LRRC4C: variants seen among roughly 807,000 people sequenced by gnomAD.
LRRC4C encodes leucine rich repeat containing 4C.
A neutral mutation model predicts 33.6 loss-of-function variants in LRRC4C; 5 were observed. The ratio of observed to expected loss-of-function variants is 0.15; its 90% CI spans 0.08 to 0.31. LRRC4C has a LOEUF of 0.31. Among genes scored for constraint, LRRC4C ranks in the 10% least tolerant of loss-of-function variants. LRRC4C has a pLI of 1.00. For synonymous variants in LRRC4C, 329 were observed against 302.0 expected, an observed-to-expected ratio of 1.09 and a Z score of -0.93; for missense variants, 560 against 796.7, an observed-to-expected ratio of 0.70 and a Z score of 3.58.
At chr11:40,233,181 C>G (rs1308899283) in intron 5 of LRRC4C, among the ~76,000 whole-genome samples, 3 of 152,148 alleles carry the variant, frequency 2.0e-5, no homozygotes, top group Non-Finnish European at 2.9e-5. Flanking sequence ...TGCTGATGCC[C>G]ACTCATTTTA....
At chr11:40,900,345 T>G (rs997008811) in intron 2 of LRRC4C, among the ~76,000 whole-genome samples, 1 of 152,098 alleles carries the variant, frequency 6.6e-6, no homozygotes, top group African/African-American at 2.4e-5. Context: ...CAGGATCAAC[T>G]TGCACTTTAC....
At chr11:40,879,569 A>G (rs1189465470) in intron 2 of LRRC4C, among the ~76,000 whole-genome samples, 1 of 152,148 alleles carries the variant, frequency 6.6e-6, no homozygotes, top group Non-Finnish European at 1.5e-5. Flanking sequence ...CCTACAAACA[A>G]GTACGTACTA....
intron 2 of LRRC4C, among the ~76,000 whole-genome samples, chr11:40,669,796 A>G (rs765081428): frequency 2.8e-4 from 42 of 152,336 alleles, no homozygotes; most frequent in Admixed American, 5.2e-4. Flanking sequence ...TTTATGTCCA[A>G]TGTAACACTC....
chr11:40,557,679 CGT>C (rs35856491), intron 3 of LRRC4C, among the ~76,000 whole-genome samples: 37,930 of 149,056 alleles, frequency 0.25, 5,143 homozygotes, highest in East Asian at 0.57. Flanking sequence ...TCTATAGAGG[CGT>C]GTGTGTGTGT....
chr11:40,630,177 C>G (rs1338678134), intron 3 of LRRC4C, among the ~76,000 whole-genome samples: 1 of 152,064 alleles, frequency 6.6e-6, no homozygotes, highest in African/African-American at 2.4e-5. Context: ...CCAAAACTAT[C>G]TTTGAGAAAA....
chr11:40,536,650 C>T (rs528465898), intron 3 of LRRC4C, among the ~76,000 whole-genome samples: 3 of 152,280 alleles, frequency 2.0e-5, no homozygotes, highest in South Asian at 2.1e-4. Context: ...AGCCATCTAA[C>T]GTTAGAACCT....
At chr11:40,214,621 A>ACT (rs768846422) in intron 5 of LRRC4C, among the ~76,000 whole-genome samples, 20 of 151,942 alleles carry the variant, frequency 1.3e-4, no homozygotes, top group Admixed American at 6.6e-4. Flanking sequence ...CAGAGAGCTC[A>ACT]CTCTCTCCCT....
rs997355402 is a variant in LRRC4C, at chr11:41,175,008, A to G, written c.-495-241285T>C. ...ATTAATGCTTTTTCTTTTCATTCAC[A>G]TCCTTATATCCTATCAGTTACCAGG... On this transcript the variant is annotated intron_variant, in intron 1 of 6. Coordinates refer to ENST00000528697, the MANE Select transcript of LRRC4C (RefSeq NM_001258419.2). Among the ~76,000 whole-genome samples, 2 of 152,024 alleles carry G rather than the reference A, an allele frequency of 1.3e-5. 1 individual carries two copies. Among genetic ancestry groups the G allele is most frequent in the South Asian group, 4.1e-4 (2 of 4,820 alleles).
intron 1 of LRRC4C, among the ~76,000 whole-genome samples, chr11:41,360,094 A>G (rs952122789): frequency 3.9e-5 from 6 of 152,138 alleles, no homozygotes; most frequent in Admixed American, 1.3e-4. Context: ...GAGGCAGGAG[A>G]ATCATTTGAA....
intron 1 of LRRC4C, among the ~76,000 whole-genome samples, chr11:41,382,531 T>C (rs1953195329): frequency 6.6e-6 from 1 of 152,066 alleles, no homozygotes; most frequent in African/African-American, 2.4e-5. Flanking sequence ...TAATAGGTTT[T>C]CAATAAATAT....
intron 1 of LRRC4C, among the ~76,000 whole-genome samples, chr11:40,975,036 G>A (rs1174520680): frequency 1.3e-5 from 2 of 152,156 alleles, no homozygotes; most frequent in Admixed American, 6.5e-5. Flanking sequence ...GCCTGCAGAT[G>A]TCCTGTTGTG....
chr11:40,207,133 A>G (rs887399647), intron 5 of LRRC4C, among the ~76,000 whole-genome samples: 13 of 152,168 alleles, frequency 8.5e-5, no homozygotes, highest in Non-Finnish European at 1.6e-4. Context: ...CAATCTTAAT[A>G]TATTGTACGG....
chr11:40,303,762 T>C (rs1453256058), intron 4 of LRRC4C, among the ~76,000 whole-genome samples: 1 of 152,204 alleles, frequency 6.6e-6, no homozygotes, highest in Non-Finnish European at 1.5e-5. Flanking sequence ...TTTAAGGACA[T>C]AAAAAGTGTT....
At chr11:40,767,568 T>C (rs775532805) in intron 2 of LRRC4C, among the ~76,000 whole-genome samples, 27 of 152,014 alleles carry the variant, frequency 1.8e-4, no homozygotes, top group Non-Finnish European at 3.5e-4. Context: ...AGACCACATC[T>C]TCAGCCATAA....
At chr11:40,622,886 G>T (rs1181030990) in intron 3 of LRRC4C, among the ~76,000 whole-genome samples, 1 of 151,446 alleles carries the variant, frequency 6.6e-6, no homozygotes, top group Non-Finnish European at 1.5e-5. Context: ...TAATAATCAG[G>T]TAACAATAAT....
intron 2 of LRRC4C, among the ~76,000 whole-genome samples, chr11:40,802,607 C>G (rs75517995): frequency 0.02 from 2,977 of 152,042 alleles, 95 homozygotes; most frequent in African/African-American, 0.068. Context: ...CAGGAACTTT[C>G]AAAGTCCCTT....
At chr11:41,063,757 C>CA (rs1281198452) in intron 1 of LRRC4C, among the ~76,000 whole-genome samples, 3 of 152,188 alleles carry the variant, frequency 2.0e-5, no homozygotes, top group East Asian at 3.9e-4. Flanking sequence ...GGAGCTTTTA[C>CA]AAAAAATGTT....
chr11:40,184,786 C>G (rs1467903247), intron 5 of LRRC4C, among the ~76,000 whole-genome samples: 1 of 152,134 alleles, frequency 6.6e-6, no homozygotes, highest in Admixed American at 6.5e-5. Context: ...TGCAATCTCA[C>G]ACCCAAGAAT....
At chr11:40,315,929 G>C (rs535035482) in intron 4 of LRRC4C, among the ~76,000 whole-genome samples, 1 of 152,092 alleles carries the variant, frequency 6.6e-6, no homozygotes, top group Non-Finnish European at 1.5e-5. Flanking sequence ...CAATCTCCCT[G>C]AGTAGGGCTA....
Sources: allele counts gnomAD v4.1 joint callset (sites outside exome capture counted in the v4.1 genomes callset), GRCh38; gene constraint gnomAD v4.1.1; transcripts MANE v1.5; gene names NCBI Gene and HGNC (gene_info 2026-07-23, HGNC 2026-07-21).